Variants in TTC21B observed in about 807,000 individuals in gnomAD.
TTC21B encodes tetratricopeptide repeat domain 21B.
A neutral mutation model predicts 175.1 loss-of-function variants in TTC21B; 127 were observed. That is an observed-to-expected ratio of 0.73 (90% CI 0.63 to 0.84). TTC21B has a LOEUF of 0.84. Among genes scored for constraint, TTC21B ranks in the 40% least tolerant of loss-of-function variants. The probability of loss-of-function intolerance (pLI) is 0.00; values close to 1 mark genes in which losing one functional copy is unlikely to be tolerated. For synonymous variants in TTC21B, 524 were observed against 524.5 expected (o/e 1.00, Z 0.01); for missense variants, 1,561 against 1,558.3 (o/e 1.00, Z -0.03).
intron 1 of TTC21B, among the ~76,000 whole-genome samples, chr2:165,952,147 C>G (rs1687779794): frequency 1.3e-5 from 2 of 152,148 alleles, no homozygotes; most frequent in African/African-American, 4.8e-5. Flanking sequence ...TACTCTAGAG[C>G]AGGGTTTGGC....
intron 14 of TTC21B, 102 bp from the exon 15 acceptor site, chr2:165,915,541 AT>A: frequency 1.0e-6 from 1 of 965,294 alleles, no homozygotes; most frequent in Non-Finnish European, 1.6e-6. Flanking sequence ...ATGCTAGTAC[AT>A]TTATAATATT....
chr2:165,919,495 G>A (rs1686308798), intron 12 of TTC21B, 62 bp from the exon 13 acceptor site: 3 of 1,545,422 alleles, frequency 1.9e-6, no homozygotes, highest in Non-Finnish European at 2.7e-6. Flanking sequence ...ATCTGAGAGG[G>A]AAGAGGAAGA....
At position 165,873,960 on chromosome 2, in the gene TTC21B, C is replaced by T. The variant is rs1251202272; in HGVS notation, c.*795G>A. 6.6e-6 allele frequency: 1 copy of T among 151,708 alleles called. No individual in the cohort carries two copies. Among genetic ancestry groups the T allele is most frequent in the Admixed American group, 6.6e-5 (1 of 15,240 alleles). 9.4% of individuals were successfully genotyped at this position (151,708 alleles called of 1,614,324 possible). A position where few individuals can be genotyped will look rare whatever the true frequency, so the allele number is the denominator to read the frequency against. ...AATATAAATCATCTATTTATAAAACCTTTATTAAAATATATATTTAAAATA... is the reference window on the plus strand; with the variant it reads ...AATATAAATCATCTATTTATAAAACTTTTATTAAAATATATATTTAAAATA... On this transcript the variant is annotated 3_prime_UTR_variant, in exon 29 of 29. Coordinates refer to ENST00000243344, the MANE Select transcript of TTC21B (RefSeq NM_024753.5).
chr2:165,900,007 A>C, intron 20 of TTC21B, 127 bp from the exon 21 acceptor site: 1 of 499,310 alleles, frequency 2.0e-6, no homozygotes, highest in Non-Finnish European at 3.6e-6. Flanking sequence ...AGTATAATAG[A>C]CAAAAAAAAA....
chr2:165,930,663 C>T (rs1401376908), intron 8 of TTC21B, among the ~76,000 whole-genome samples: 1 of 143,690 alleles, frequency 7.0e-6, no homozygotes, highest in African/African-American at 2.5e-5. Flanking sequence ...ACTCCTTTTC[C>T]AAGCTGTCTC....
intron 19 of TTC21B, among the ~76,000 whole-genome samples, chr2:165,903,828 C>T (rs1049558313): frequency 2.0e-5 from 3 of 152,156 alleles, no homozygotes; most frequent in Non-Finnish European, 4.4e-5. Flanking sequence ...AATAAATGAA[C>T]AGAAAATATC....
At chr2:165,905,900 A>G (rs1415022483) in intron 19 of TTC21B, among the ~76,000 whole-genome samples, 1 of 152,172 alleles carries the variant, frequency 6.6e-6, no homozygotes, top group East Asian at 1.9e-4. Context: ...TTTCAAGTCC[A>G]CATGGAACCT....
chr2:165,900,936 T>A (rs1685540524), intron 20 of TTC21B, among the ~76,000 whole-genome samples: 1 of 151,530 alleles, frequency 6.6e-6, no homozygotes, highest in African/African-American at 2.4e-5. Context: ...GGGTATTGCT[T>A]TGTTACCCAG....
At position 165,890,964 on chromosome 2, in the gene TTC21B, A is replaced by T. The variant is rs995750441; in HGVS notation, c.2975T>A (p.Leu992Ter). 1 of 1,612,770 alleles carries T rather than the reference A, an allele frequency of 6.2e-7. No homozygotes were observed. The stretch of plus-strand genomic sequence containing the variant: ...TCCACATCTTCTTAGGAGATCAATC[A>T]AACGAGATAATGTCATATAATTATC... ...KPDNYMTLSR[L>*]IDLLRRCGKL... The change falls in exon 23 of 29, where the codon TTG (leucine) becomes TAG (stop). Residue 992 changes from leucine (L) to a stop codon, truncating the protein, a stop_gained. Transcript: ENST00000243344. LOFTEE classifies it high-confidence loss of function.
rs756913474 is a variant in TTC21B at position 165,932,983 on chromosome 2, T to G, written c.785A>C (p.Asp262Ala). The change falls in exon 7 of 29, where the codon GAT becomes GCT. Residue 262 changes from aspartate (D) to alanine (A), a missense_variant. Asp to Ala is a moderately radical substitution (Grantham distance 126, BLOSUM62 -2). Coordinates refer to ENST00000243344, the MANE Select transcript of TTC21B (RefSeq NM_024753.5). ...QALYYVCREGDIEKASTKLEN... is the reference protein window; with the variant it reads ...QALYYVCREGAIEKASTKLEN... ...TACAATGCCACTTACCTTCTCTATA[T>G]CCCCCTCTCTACACACATAGTAGAG... is the stretch of plus-strand genomic sequence containing the variant. 6.2e-7 allele frequency: 1 copy of G among 1,612,704 alleles called. No individual in the cohort carries two copies. Among genetic ancestry groups the G allele is most frequent in the Non-Finnish European group, 8.5e-7 (1 of 1,179,312 alleles).
At chr2:165,942,663 AAT>A (rs1687412176) in intron 5 of TTC21B, among the ~76,000 whole-genome samples, 1 of 152,084 alleles carries the variant, frequency 6.6e-6, no homozygotes, top group African/African-American at 2.4e-5. Flanking sequence ...CTCTATTTGA[AAT>A]ACTTTCCCCA....
intron 11 of TTC21B, among the ~76,000 whole-genome samples, chr2:165,927,294 T>TTA (rs1269642540): frequency 3.7e-4 from 31 of 83,230 alleles, no homozygotes; most frequent in South Asian, 3.3e-3. Context: ...ATCCTAGTAG[T>TTA]TATATATATA....
chr2:165,943,655 A>G (rs1687447884), intron 4 of TTC21B, among the ~76,000 whole-genome samples: 1 of 152,148 alleles, frequency 6.6e-6, no homozygotes, highest in South Asian at 2.1e-4. Flanking sequence ...ACAATTAATA[A>G]CACTTAAACA....
chr2:165,880,573 G>T, intron 27 of TTC21B, 106 bp downstream of exon 27: 4 of 1,188,760 alleles, frequency 3.4e-6, no homozygotes, highest in Non-Finnish European at 4.9e-6. Context: ...AATGAAAATT[G>T]ACTCAATGTT....
intron 3 of TTC21B, chr2:165,947,597 T>C (rs998148334): frequency 1.8e-4 from 28 of 152,116 alleles, no homozygotes; most frequent in Non-Finnish European, 1.5e-5. Flanking sequence ...GCAGGCATTG[T>C]ACAGGAAATC....
chr2:165,937,771 CCACACACACA>C (rs4001021), intron 6 of TTC21B, among the ~76,000 whole-genome samples: 5,359 of 127,596 alleles, frequency 0.042, 212 homozygotes, highest in East Asian at 0.16. Flanking sequence ...TATATAGAAA[CCACACACACA>C]CACACACACA....
intron 15 of TTC21B, among the ~76,000 whole-genome samples, chr2:165,914,725 A>G (rs539292802): frequency 5.8e-4 from 42 of 71,872 alleles, no homozygotes; most frequent in Admixed American, 3.2e-3. Flanking sequence ...TCATAAGGGC[A>G]TCAGTGTGAC....
chr2:165,886,524 T>C (rs140905295), intron 25 of TTC21B, among the ~76,000 whole-genome samples: 32 of 152,338 alleles, frequency 2.1e-4, no homozygotes, highest in African/African-American at 7.2e-4. Context: ...GAAAATTTGA[T>C]GCTTATGAAA....
At chr2:165,880,220 A>G (rs573928859) in intron 27 of TTC21B, among the ~76,000 whole-genome samples, 3 of 150,298 alleles carry the variant, frequency 2.0e-5, no homozygotes, top group South Asian at 4.2e-4. Flanking sequence ...TGCTCAGGAG[A>G]AAAAAAAAAT....
Sources: gnomAD v4.1 joint callset for allele counts (sites outside exome capture counted in the v4.1 genomes callset) on GRCh38, gnomAD v4.1.1 for gene constraint, MANE v1.5 for transcripts, NCBI Gene and HGNC (gene_info 2026-07-23, HGNC 2026-07-21) for gene names.